CSNK1G3: variants seen among roughly 807,000 people sequenced by gnomAD.
CSNK1G3 encodes the protein casein kinase I isoform gamma-3.
In CSNK1G3, 23 loss-of-function variants were observed where a neutral mutation model predicts 64.3. The observed-to-expected ratio is 0.36, with a 90% CI of 0.26 to 0.51. CSNK1G3 has a LOEUF of 0.51. CSNK1G3 is among the 20% of genes least tolerant of loss of function. CSNK1G3 has a pLI of 0.96. For missense variants in CSNK1G3, 357 were observed against 510.5 expected, an observed-to-expected ratio of 0.70 and a Z score of 2.90; for synonymous variants, 158 against 162.2, an observed-to-expected ratio of 0.97 and a Z score of 0.20.
intron 1 of CSNK1G3, among the ~76,000 whole-genome samples, chr5:123,535,238 T>C (rs1164027718): frequency 6.6e-6 from 1 of 152,124 alleles, no homozygotes; most frequent in Non-Finnish European, 1.5e-5. Flanking sequence ...TGTAAACAAA[T>C]TAGCGTGGAT....
intron 1 of CSNK1G3, among the ~76,000 whole-genome samples, chr5:123,535,432 T>A (rs998467687): frequency 5.3e-5 from 8 of 152,086 alleles, no homozygotes; most frequent in Non-Finnish European, 8.8e-5. Flanking sequence ...TGACTCCTGG[T>A]ATAGAGAAAC....
chr5:123,546,482 G>A (rs370143428), intron 2 of CSNK1G3, among the ~76,000 whole-genome samples: 1 of 152,036 alleles, frequency 6.6e-6, no homozygotes, highest in African/African-American at 2.4e-5. Context: ...ATTGTCAGAT[G>A]TTCACAACAA....
At chr5:123,609,359 A>G (rs1354169327) in intron 12 of CSNK1G3, among the ~76,000 whole-genome samples, 1 of 152,160 alleles carries the variant, frequency 6.6e-6, no homozygotes, top group Admixed American at 6.5e-5. Context: ...AATATAAATT[A>G]AGTTTTCCTA....
chr5:123,536,651 A>G (rs551305403), intron 1 of CSNK1G3, among the ~76,000 whole-genome samples: 4 of 152,210 alleles, frequency 2.6e-5, no homozygotes, highest in Admixed American at 6.5e-5. Context: ...GTATTGAAAC[A>G]TCACCATGTA....
intron 10 of CSNK1G3, among the ~76,000 whole-genome samples, chr5:123,597,642 A>G (rs1027289940): frequency 2.0e-5 from 3 of 152,068 alleles, no homozygotes; most frequent in Non-Finnish European, 2.9e-5. Flanking sequence ...AGTAGAAGTT[A>G]TCAGCAGAGT....
intron 1 of CSNK1G3, among the ~76,000 whole-genome samples, chr5:123,517,549 G>T (rs1343048534): frequency 1.3e-5 from 2 of 151,894 alleles, no homozygotes; most frequent in Non-Finnish European, 2.9e-5. Flanking sequence ...AACACCTAAC[G>T]ATCTAAAAAA....
chr5:123,534,379 G>A lies in CSNK1G3; in HGVS notation c.-247-11038G>A, dbSNP rs368613974. On this transcript the variant is annotated intron_variant, in intron 1 of 12. Transcript: ENST00000345990. ...AAAGAGGTCTGGAAGCAGCTATCAA[G>A]GATTCCAAGACCTGGGAGAATTGGT... is the stretch of plus-strand genomic sequence containing the variant. Among the ~76,000 whole-genome samples the A allele has an allele frequency of 9.9e-5, 15 of 152,132 alleles. No homozygotes were observed. In the East Asian group the frequency reaches 1.7e-3, roughly 18 times the overall value.
intron 6 of CSNK1G3, among the ~76,000 whole-genome samples, chr5:123,585,634 C>T (rs1425769002): frequency 6.6e-6 from 1 of 152,026 alleles, no homozygotes; most frequent in Non-Finnish European, 1.5e-5. Context: ...TAAGACAATC[C>T]AATTTTTTAA....
At chr5:123,573,582 A>C (rs575898582) in intron 5 of CSNK1G3, 41 bp downstream of exon 5, 1 of 1,522,068 alleles carries the variant, frequency 6.6e-7, no homozygotes, top group South Asian at 1.3e-5. Flanking sequence ...GAACAATTAC[A>C]TGGTTGTTGG....
At chr5:123,539,573 C>T (rs1279228041) in intron 1 of CSNK1G3, among the ~76,000 whole-genome samples, 3 of 151,124 alleles carry the variant, frequency 2.0e-5, no homozygotes, top group Non-Finnish European at 4.4e-5. Context: ...GTTAAACTTT[C>T]TACATATTTG....
intron 3 of CSNK1G3, among the ~76,000 whole-genome samples, chr5:123,555,551 A>G (rs1298890420): frequency 1.3e-5 from 2 of 152,150 alleles, no homozygotes; most frequent in East Asian, 1.9e-4. Context: ...CTTTCACTCC[A>G]TTATCTCTTA....
intron 1 of CSNK1G3, among the ~76,000 whole-genome samples, chr5:123,527,100 C>T (rs989482937): frequency 1.3e-5 from 2 of 152,032 alleles, no homozygotes; most frequent in Non-Finnish European, 2.9e-5. Flanking sequence ...AGCTTGATTG[C>T]ACACCAGCAA....
chr5:123,573,193 T>C (rs757756740), intron 4 of CSNK1G3, among the ~76,000 whole-genome samples, 200 bp from the exon 5 acceptor site: 13 of 152,156 alleles, frequency 8.5e-5, no homozygotes, highest in Admixed American at 2.0e-4. Context: ...GCAATAGAGG[T>C]GTATCCAGGC....
intron 1 of CSNK1G3, among the ~76,000 whole-genome samples, chr5:123,527,702 T>A (rs907595267): frequency 6.6e-6 from 1 of 152,210 alleles, no homozygotes; most frequent in Non-Finnish European, 1.5e-5. Context: ...ATAACTGTTA[T>A]GAGAACCATG....
At chr5:123,555,158 G>A (rs1784403281) in intron 3 of CSNK1G3, among the ~76,000 whole-genome samples, 2 of 152,140 alleles carry the variant, frequency 1.3e-5, no homozygotes, top group Admixed American at 1.3e-4. Context: ...ACAATGATCA[G>A]CATTACATGT....
At chr5:123,523,398 G>T (rs1426805488) in intron 1 of CSNK1G3, among the ~76,000 whole-genome samples, 1 of 152,114 alleles carries the variant, frequency 6.6e-6, no homozygotes, top group Non-Finnish European at 1.5e-5. Context: ...TGCTTCCTGG[G>T]TCAGGAACAC....
At chr5:123,562,696 G>C (rs1294130176) in intron 4 of CSNK1G3, among the ~76,000 whole-genome samples, 1 of 151,648 alleles carries the variant, frequency 6.6e-6, no homozygotes, top group Non-Finnish European at 1.5e-5. Context: ...CCTATGATTA[G>C]GTAAATTTAT....
chr5:123,598,239 T>C (rs1793801761), intron 10 of CSNK1G3, among the ~76,000 whole-genome samples: 1 of 152,170 alleles, frequency 6.6e-6, no homozygotes, highest in Admixed American at 6.6e-5. Context: ...GTAATAAATA[T>C]GGCTGAGAAA....
chr5:123,599,581 T>C (rs1036331560), intron 10 of CSNK1G3, among the ~76,000 whole-genome samples: 1 of 152,214 alleles, frequency 6.6e-6, no homozygotes, highest in Non-Finnish European at 1.5e-5. Context: ...ATTGTCTCAA[T>C]TACATTAATC....
Sources: gnomAD v4.1 joint callset for allele counts (sites outside exome capture counted in the v4.1 genomes callset) on GRCh38, gnomAD v4.1.1 for gene constraint, MANE v1.5 for transcripts, NCBI Gene and HGNC (gene_info 2026-07-23, HGNC 2026-07-21) for gene names.